Variants in EIF5A observed in about 807,000 individuals in gnomAD.
EIF5A encodes eukaryotic translation initiation factor 5A-1.
EIF5A carries 1 observed loss-of-function variant against 16.6 expected under a neutral mutation model. The observed-to-expected ratio is 0.06, with a 90% CI of 0.02 to 0.28. EIF5A has a LOEUF of 0.28. Among genes scored for constraint, EIF5A ranks in the 10% least tolerant of loss-of-function variants. The probability of loss-of-function intolerance (pLI) is 1.00; values close to 1 mark genes in which losing one functional copy is unlikely to be tolerated. For synonymous variants in EIF5A, 80 were observed against 73.6 expected (o/e 1.09, Z -0.44); for missense variants, 29 against 196.1 (o/e 0.15, Z 5.09).
intron 1 of EIF5A, chr17:7,308,520 G>A (rs753786779): frequency 8.1e-6 from 11 of 1,351,496 alleles, no homozygotes; most frequent in Non-Finnish European, 1.1e-5. Flanking sequence ...CCAACCTCAA[G>A]GGCCCCAGGA....
intron 2 of EIF5A, chr17:7,310,710 C>G: frequency 1.1e-5 from 11 of 985,412 alleles, no homozygotes; most frequent in Non-Finnish European, 1.3e-5. Context: ...GAAACTTTTA[C>G]TCAGACTCCT....
In EIF5A at chr17:7,309,350, C is replaced by G. The variant is rs77355262; in HGVS notation, c.-21-265C>G. ...TTTCTCATCTCTGAGATTTGACATT[C>G]CAGCTCCCTAGAGCCTTCCTTTCCC... On this transcript the variant is annotated intron_variant, in intron 1 of 5. Transcript: ENST00000336458. 1.0e-3 allele frequency among the ~76,000 whole-genome samples: 157 copies of G among 152,298 alleles called. 1 individual carries two copies. Among genetic ancestry groups the G allele is most frequent in the African/African-American group, 3.6e-3 (148 of 41,560 alleles).
chr17:7,308,369 C>T (rs1396360657), intron 1 of EIF5A: 34 of 1,189,526 alleles, frequency 2.9e-5, no homozygotes, highest in African/African-American at 4.9e-5. Context: ...GCCACATGGT[C>T]GGCAGGAGCC....
Position 7,311,850 on chromosome 17 carries a change from T to C in EIF5A, c.*40T>C. ...GGCGGTGGTGGCAGCAGTGATCCTC[T>C]GAACCTGCAGAGGCCCCCTCCCCGA... On this transcript the variant is annotated 3_prime_UTR_variant, in exon 6 of 6. Coordinates refer to ENST00000336458, the MANE Select transcript of EIF5A (RefSeq NM_001970.5). The C allele has an allele frequency of 1.3e-6, 1 of 756,970 alleles. No homozygotes were observed. Among genetic ancestry groups the C allele is most frequent in the Non-Finnish European group, 2.2e-6 (1 of 459,972 alleles). 46.9% of individuals were successfully genotyped at this position (756,970 alleles called of 1,614,324 possible).
At position 7,311,810 on chromosome 17, in the gene EIF5A, T is replaced by A; in HGVS notation, c.*12-12T>A. On this transcript the variant is annotated splice_polypyrimidine_tract_variant and intron_variant, in intron 5 of 5. Coordinates refer to ENST00000336458, the MANE Select transcript of EIF5A (RefSeq NM_001970.5). ...TATTATCCTGTCTTACTAATTTCTCTCTCCTACCTAGGGTGGCGGTGGTGG... is the reference window on the plus strand; with the variant it reads ...TATTATCCTGTCTTACTAATTTCTCACTCCTACCTAGGGTGGCGGTGGTGG... The A allele has an allele frequency of 2.9e-6, 3 of 1,030,350 alleles. No homozygotes were observed. In the South Asian group the frequency reaches 4.8e-5, roughly 16 times the overall value. The allele number at this position is 1,030,350 out of a possible 1,614,324, so 63.8% of individuals were successfully genotyped here.
chr17:7,310,960 C>T, intron 2 of EIF5A, 58 bp from the exon 3 acceptor site: 1 of 1,555,394 alleles, frequency 6.4e-7, no homozygotes, highest in South Asian at 1.2e-5. Flanking sequence ...CAATTTGAGC[C>T]TTTATTTCCT....
chr17:7,309,480 T>G, intron 1 of EIF5A, 135 bp from the exon 2 acceptor site: 1 of 1,199,184 alleles, frequency 8.3e-7, no homozygotes, highest in Non-Finnish European at 1.2e-6. Flanking sequence ...GTATTTTAAG[T>G]TCAGGAACTT....
chr17:7,307,214 G>A, upstream of EIF5A: 2 of 1,372,662 alleles, frequency 1.5e-6, no homozygotes, highest in Non-Finnish European at 9.8e-7. Flanking sequence ...TCTTTTCAAC[G>A]CCTGGCGTAC....
In EIF5A at chr17:7,308,361, C is replaced by T. The variant is rs928976237; in HGVS notation, c.-22+609C>T. 3.1e-5 allele frequency: 37 copies of T among 1,183,862 alleles called. No homozygotes were observed. In the African/African-American group the frequency reaches 4.9e-4, roughly 16 times the overall value. 73.3% of individuals were successfully genotyped at this position (1,183,862 alleles called of 1,614,324 possible). ...CCGGCCACCGGAAGCCCGGAACGGC[C>T]ACATGGTCGGCAGGAGCCGGCAGCC... On this transcript the variant is annotated intron_variant, in intron 1 of 5. Coordinates refer to ENST00000336458, the MANE Select transcript of EIF5A (RefSeq NM_001970.5).
chr17:7,310,931 T>C (rs2072806896), intron 2 of EIF5A, 87 bp from the exon 3 acceptor site: 9 of 1,492,614 alleles, frequency 6.0e-6, no homozygotes, highest in Non-Finnish European at 6.3e-6. Flanking sequence ...TAATTCTGAC[T>C]TCCCTCATCA....
upstream of EIF5A, chr17:7,307,016 GA>G (rs1302196953): frequency 6.4e-7 from 1 of 1,565,634 alleles, no homozygotes. Flanking sequence ...TAGCGCGCTA[GA>G]AGAGTGGGGC....
intron 1 of EIF5A, chr17:7,308,578 A>T: frequency 7.4e-7 from 1 of 1,350,128 alleles, no homozygotes. Flanking sequence ...AGCCAGGTGT[A>T]AGTGGCACCC....
intron 1 of EIF5A, chr17:7,308,632 G>C: frequency 3.0e-6 from 4 of 1,333,534 alleles, no homozygotes; most frequent in Non-Finnish European, 4.0e-6. Flanking sequence ...AGGGCGTTTG[G>C]ACAGGAGCCC....
At position 7,312,436 on chromosome 17, in the gene EIF5A, AACT is replaced by A. The variant is rs953074084; in HGVS notation, c.*629_*631del. On this transcript the variant is annotated 3_prime_UTR_variant, in exon 6 of 6. Transcript: ENST00000336458. ...ATTTGTTAAAATCAAACCTGAATAAAACTACAAGTTTAATATGAAGCCCCCAAC... is the reference window on the plus strand; with the variant it reads ...ATTTGTTAAAATCAAACCTGAATAAAACAAGTTTAATATGAAGCCCCCAAC... The A allele has an allele frequency of 3.4e-6, 1 of 292,064 alleles. No individual in the cohort carries two copies. The highest frequency in any genetic ancestry group is 2.2e-5 in the African/African-American group (1 of 45,256). The allele number at this position is 292,064 out of a possible 1,614,324, so 18.1% of individuals were successfully genotyped here.
chr17:7,308,995 G>A (rs2072728008), intron 1 of EIF5A, among the ~76,000 whole-genome samples: 1 of 152,302 alleles, frequency 6.6e-6, no homozygotes, highest in South Asian at 2.1e-4. Flanking sequence ...AGATCGAGGT[G>A]TTTGGCAGGG....
rs1391934095 is a variant in EIF5A at position 7,307,630 on chromosome 17, A to G, written c.-144A>G. The G allele has an allele frequency of 5.8e-6, 6 of 1,036,918 alleles. No homozygotes were observed. The highest frequency in any genetic ancestry group is 7.0e-6 in the Non-Finnish European group (6 of 863,040). The allele number at this position is 1,036,918 out of a possible 1,614,324, so 64.2% of individuals were successfully genotyped here. A position where few individuals can be genotyped will look rare whatever the true frequency, so the allele number is the denominator to read the frequency against. On this transcript the variant is annotated 5_prime_UTR_variant, in exon 1 of 6. Transcript: ENST00000336458. Reference sequence around the variant, plus strand: ...GTCAGTGGGGAGTCGGCGCCTGCGTACTAAGACCCGTGTGCAGCAGCGGCG... The same window carrying G: ...GTCAGTGGGGAGTCGGCGCCTGCGTGCTAAGACCCGTGTGCAGCAGCGGCG...
Position 7,309,788 on chromosome 17 carries a change from C to G in EIF5A, c.153C>G (p.His51Gln). The G allele has an allele frequency of 6.2e-7, 1 of 1,614,224 alleles. No individual in the cohort carries two copies. The change falls in exon 2 of 6, where the codon CAC becomes CAG. Residue 51 changes from histidine to glutamine, a missense_variant. Coordinates refer to ENST00000336458, the MANE Select transcript of EIF5A (RefSeq NM_001970.5). ...TGTCTACTTCGAAGACTGGCAAGCACGGCCACGCCAAGGTTAGAATTTCAC... is the reference window on the plus strand; with the variant it reads ...TGTCTACTTCGAAGACTGGCAAGCAGGGCCACGCCAAGGTTAGAATTTCAC... ...VEMSTSKTGK[H>Q]GHAKVHLVGI...
At chr17:7,311,514 G>C (rs1321514192) in intron 4 of EIF5A, 33 bp downstream of exon 4, 2 of 1,614,128 alleles carry the variant, frequency 1.2e-6, no homozygotes, top group Non-Finnish European at 8.5e-7. Flanking sequence ...TCTGTGCTCA[G>C]CTTTGTTCTG....
chr17:7,309,989 G>A (rs1205703698), intron 2 of EIF5A, 189 bp downstream of exon 2: 2 of 1,532,132 alleles, frequency 1.3e-6, no homozygotes, highest in Admixed American at 2.0e-5. Flanking sequence ...AGCCTCTTCT[G>A]TGGTTACCCT....
Sources: gnomAD v4.1 joint callset for allele counts (sites outside exome capture counted in the v4.1 genomes callset) on GRCh38, gnomAD v4.1.1 for gene constraint, MANE v1.5 for transcripts, NCBI Gene and HGNC (gene_info 2026-07-23, HGNC 2026-07-21) for gene names.